The following LPP variants were observed in gnomAD, a reference collection of about 807,000 sequenced individuals.
The protein encoded by LPP is lipoma-preferred partner.
LPP carries 38 observed loss-of-function variants against 60.4 expected under a neutral mutation model. The ratio of observed to expected loss-of-function variants is 0.63; its 90% CI spans 0.49 to 0.83. LPP has a LOEUF of 0.83. Ranked by LOEUF, LPP falls within the 40% of genes least tolerant of loss-of-function variation. The pLI is 0.00. For missense variants in LPP, 902 were observed against 783.6 expected, an observed-to-expected ratio of 1.15 and a Z score of -1.80; for synonymous variants, 328 against 290.8, an observed-to-expected ratio of 1.13 and a Z score of -1.30.
At chr3:188,389,828 A>G (rs1426523154) in intron 3 of LPP, among the ~76,000 whole-genome samples, 1 of 151,792 alleles carries the variant, frequency 6.6e-6, no homozygotes, top group African/African-American at 2.4e-5. Context: ...AAGAAAAGAA[A>G]AAAAGAAAGA....
chr3:188,701,380 A>G (rs77051424), intron 7 of LPP, among the ~76,000 whole-genome samples: 3 of 147,548 alleles, frequency 2.0e-5, no homozygotes, highest in Admixed American at 1.3e-4. Context: ...TTTTCAGCTG[A>G]AAAAAAAAAA....
intron 4 of LPP, among the ~76,000 whole-genome samples, chr3:188,464,488 A>G (rs1413648566): frequency 6.6e-6 from 1 of 152,216 alleles, no homozygotes; most frequent in East Asian, 1.9e-4. Context: ...GTGTCCATCT[A>G]GATGATTCTA....
Position 188,819,766 on chromosome 3 carries a change from A to T in LPP, c.1411-46434A>T, listed in dbSNP as rs562011769. On this transcript the variant is annotated intron_variant, in intron 9 of 11. Coordinates refer to ENST00000617246, the MANE Select transcript of LPP (RefSeq NM_001375462.1). Reference sequence around the variant, plus strand: ...GGCAGAGGGGCAGGAATGTGAAGGAACTAAGACATAAAAGTAGAAAGACAG... The same window carrying T: ...GGCAGAGGGGCAGGAATGTGAAGGATCTAAGACATAAAAGTAGAAAGACAG... Among the ~76,000 whole-genome samples, 8 of 152,298 alleles carry T rather than the reference A, an allele frequency of 5.3e-5. No individual in the cohort carries two copies. In the East Asian group the frequency reaches 1.5e-3, roughly 29 times the overall value.
intron 2 of LPP, among the ~76,000 whole-genome samples, chr3:188,237,186 C>G (rs73057701): frequency 0.017 from 2,554 of 152,284 alleles, 63 homozygotes; most frequent in African/African-American, 0.056. Context: ...CTTATCCATT[C>G]AAGTTTAAAC....
chr3:188,849,142 C>T (rs3846190), intron 9 of LPP, among the ~76,000 whole-genome samples: 89,464 of 152,074 alleles, frequency 0.59, 26,680 homozygotes, highest in East Asian at 0.84. Flanking sequence ...GCCTAGCATG[C>T]GACCACTGTG....
rs147462225 is a variant in LPP at position 188,418,413 on chromosome 3, C to T, written c.193+12100C>T. Among the ~76,000 whole-genome samples the T allele has an allele frequency of 6.1e-3, 927 of 152,204 alleles. 5 individuals are homozygous for T. The highest frequency in any genetic ancestry group is 0.024 in the Middle Eastern group (7 of 294). On this transcript the variant is annotated intron_variant, in intron 4 of 11. Coordinates refer to ENST00000617246, the MANE Select transcript of LPP (RefSeq NM_001375462.1). ...TTTACTGCTTACTTTATCTTTCTAG[C>T]TACTCTGTAAAAAAGTTATTATCAC...
intron 2 of LPP, among the ~76,000 whole-genome samples, chr3:188,310,505 T>C (rs1158136713): frequency 2.0e-5 from 3 of 152,114 alleles, no homozygotes; most frequent in African/African-American, 7.2e-5. Context: ...CATGAAATAA[T>C]TGTTGAGGGA....
Position 188,668,684 on chromosome 3 carries a change from C to T in LPP, c.1114-39583C>T, listed in dbSNP as rs77702733. On this transcript the variant is annotated intron_variant, in intron 7 of 11. Coordinates refer to ENST00000617246, the MANE Select transcript of LPP (RefSeq NM_001375462.1). ...GCTAGGAATTACAATCTGGAACAGA[C>T]GTGCAAGATCACTGAGTCATTTGCT... 7.4e-4 allele frequency among the ~76,000 whole-genome samples: 112 copies of T among 152,282 alleles called. 1 individual carries two copies. In the East Asian group the frequency reaches 0.017, roughly 23 times the overall value.
At chr3:188,450,754 A>G (rs945297108) in intron 4 of LPP, among the ~76,000 whole-genome samples, 1 of 152,102 alleles carries the variant, frequency 6.6e-6, no homozygotes, top group Non-Finnish European at 1.5e-5. Flanking sequence ...CAAAAAAAAA[A>G]AAAAAATCTA....
chr3:188,197,878 G>T (rs1385481330), intron 1 of LPP, among the ~76,000 whole-genome samples: 1 of 152,224 alleles, frequency 6.6e-6, no homozygotes, highest in Admixed American at 6.5e-5. Flanking sequence ...CATTAGGCGT[G>T]CATATCGAAA....
At chr3:188,614,758 A>T (rs1844539364) in intron 7 of LPP, among the ~76,000 whole-genome samples, 1 of 152,214 alleles carries the variant, frequency 6.6e-6, no homozygotes, top group Non-Finnish European at 1.5e-5. Context: ...GGAGCTCCTC[A>T]TCAGCGCCAG....
rs377683949 is a variant in LPP at position 188,571,467 on chromosome 3, A to G, written c.430-37694A>G. Among the ~76,000 whole-genome samples, 28 of 152,006 alleles carry G rather than the reference A, an allele frequency of 1.8e-4. 1 individual carries two copies. The East Asian group carries it at 5.3e-3, about 29-fold the overall frequency. ...CCCCTGAGGTCTTTCTACTTGTTTC[A>G]AAAATGAGCTGGTAGTAATATTAGA... On this transcript the variant is annotated intron_variant, in intron 6 of 11. Transcript: ENST00000617246.
chr3:188,223,401 A>G (rs1162102205), intron 1 of LPP, among the ~76,000 whole-genome samples: 1 of 152,234 alleles, frequency 6.6e-6, no homozygotes. Flanking sequence ...GAAACTTACC[A>G]CGAAATTGAG....
intron 9 of LPP, among the ~76,000 whole-genome samples, chr3:188,800,631 C>G (rs747962311): frequency 2.6e-5 from 4 of 152,108 alleles, no homozygotes; most frequent in African/African-American, 9.7e-5. Flanking sequence ...ACTGAAATAG[C>G]TCTCCAAAAG....
rs560474350 is a variant in LPP, at chr3:188,676,359, G to A, written c.1114-31908G>A. 1.3e-3 allele frequency among the ~76,000 whole-genome samples: 194 copies of A among 152,192 alleles called. 1 individual carries two copies. Among genetic ancestry groups the A allele is most frequent in the African/African-American group, 4.1e-3 (169 of 41,514 alleles). On this transcript the variant is annotated intron_variant, in intron 7 of 11. Transcript: ENST00000617246. The stretch of plus-strand genomic sequence containing the variant: ...TGTTTTCAATAGTCTACTCCGTGTC[G>A]CCACATCTTAGGTAATTTAGATAGG...
chr3:188,410,078 G>A (rs960858113), intron 4 of LPP, among the ~76,000 whole-genome samples: 4 of 152,068 alleles, frequency 2.6e-5, no homozygotes, highest in Admixed American at 6.5e-5. Flanking sequence ...CTTCTCTAGC[G>A]GAGTCTGAAC....
At chr3:188,408,138 T>C (rs1399671960) in intron 4 of LPP, among the ~76,000 whole-genome samples, 1 of 152,156 alleles carries the variant, frequency 6.6e-6, no homozygotes, top group Non-Finnish European at 1.5e-5. Context: ...GGGGCATTGT[T>C]ATTTTGTCTC....
At chr3:188,689,776 T>C (rs9815315) in intron 7 of LPP, among the ~76,000 whole-genome samples, 46,015 of 152,102 alleles carry the variant, frequency 0.3, 7,328 homozygotes, top group Middle Eastern at 0.48. Flanking sequence ...CCCACAGAAG[T>C]GAAGTGACTT....
intron 9 of LPP, among the ~76,000 whole-genome samples, chr3:188,782,807 G>C (rs941419468): frequency 1.3e-5 from 2 of 151,038 alleles, no homozygotes; most frequent in African/African-American, 4.9e-5. Context: ...CTTGACCTGC[G>C]CCTTGACCCC....
Sources: allele counts gnomAD v4.1 joint callset (sites outside exome capture counted in the v4.1 genomes callset), GRCh38; gene constraint gnomAD v4.1.1; transcripts MANE v1.5; gene names NCBI Gene and HGNC (gene_info 2026-07-23, HGNC 2026-07-21).